Variants in PDLIM5 observed in about 807,000 individuals in gnomAD.
PDLIM5 encodes the protein PDZ and LIM domain protein 5.
In PDLIM5, 34 loss-of-function variants were observed where a neutral mutation model predicts 64.2. That is an observed-to-expected ratio of 0.53 (90% CI 0.40 to 0.71). The LOEUF (loss-of-function observed/expected upper bound fraction) is 0.71. Ranked by LOEUF, PDLIM5 falls within the 30% of genes least tolerant of loss-of-function variation. The pLI is 0.00. For missense variants in PDLIM5, 683 were observed against 733.6 expected, an observed-to-expected ratio of 0.93 and a Z score of 0.80; for synonymous variants, 253 against 269.1, an observed-to-expected ratio of 0.94 and a Z score of 0.59.
At chr4:94,490,099 G>A (rs1726728549) in intron 2 of PDLIM5, among the ~76,000 whole-genome samples, 1 of 151,084 alleles carries the variant, frequency 6.6e-6, no homozygotes, top group South Asian at 2.1e-4. Flanking sequence ...TTTTTATGTG[G>A]CTATAAATAA....
At chr4:94,598,490 G>A (rs1212053640) in intron 7 of PDLIM5, among the ~76,000 whole-genome samples, 4 of 152,074 alleles carry the variant, frequency 2.6e-5, no homozygotes, top group Non-Finnish European at 5.9e-5. Flanking sequence ...ATCTGGGCTG[G>A]TTCTTTGACC....
At chr4:94,484,707 G>A (rs188658618) in intron 2 of PDLIM5, among the ~76,000 whole-genome samples, 9 of 152,272 alleles carry the variant, frequency 5.9e-5, no homozygotes, top group Admixed American at 3.9e-4. Context: ...TGTACTAAAA[G>A]GACACTGGGT....
intron 11 of PDLIM5, among the ~76,000 whole-genome samples, chr4:94,659,960 G>T (rs1292068401): frequency 6.8e-6 from 1 of 147,712 alleles, no homozygotes; most frequent in Non-Finnish European, 1.5e-5. Flanking sequence ...GCAGTGGCCC[G>T]ATCTCGGCTC....
intron 8 of PDLIM5, among the ~76,000 whole-genome samples, chr4:94,627,183 C>T (rs1739767888): frequency 6.6e-6 from 1 of 152,218 alleles, no homozygotes; most frequent in Non-Finnish European, 1.5e-5. Flanking sequence ...AAAGCCCTGA[C>T]TGGAGCTGTC....
chr4:94,477,251 A>G (rs1226911449), intron 2 of PDLIM5, among the ~76,000 whole-genome samples: 1 of 152,200 alleles, frequency 6.6e-6, no homozygotes, highest in East Asian at 1.9e-4. Flanking sequence ...GCCTTTGACA[A>G]TAGCTGCTCT....
Position 94,575,838 on chromosome 4 carries a change from C to T in PDLIM5, c.514C>T (p.Pro172Ser). The T allele has an allele frequency of 6.2e-7, 1 of 1,614,160 alleles. No individual in the cohort carries two copies. The highest frequency in any genetic ancestry group is 1.3e-5 in the African/African-American group (1 of 75,028). Residue 172 changes from proline (P) to serine (S), a missense_variant, in exon 5 of 13, where the codon CCC (proline) becomes TCC (serine). By Grantham distance (74) the Pro-to-Ser change is moderately conservative. Transcript: ENST00000317968. Reference protein sequence around the residue: ...SPSPVAAVTPPLFAASGLHAN... With the variant: ...SPSPVAAVTPSLFAASGLHAN... The stretch of plus-strand genomic sequence containing the variant: ...TTCACCCGTGGCTGCCGTCACTCCT[C>T]CCCTGTTCGCTGCATCTGGACTGCA...
intron 7 of PDLIM5, among the ~76,000 whole-genome samples, chr4:94,601,179 A>T (rs1442394360): frequency 6.6e-6 from 1 of 152,174 alleles, no homozygotes; most frequent in East Asian, 1.9e-4. Flanking sequence ...GGAGGCTGGG[A>T]AGTCAAGATC....
At chr4:94,457,774 C>A (rs559402344) in intron 2 of PDLIM5, among the ~76,000 whole-genome samples, 1 of 152,354 alleles carries the variant, frequency 6.6e-6, no homozygotes. Flanking sequence ...TGTGTACATA[C>A]ATATGTGCCC....
chr4:94,621,620 C>T (rs72880405), intron 8 of PDLIM5, among the ~76,000 whole-genome samples: 7,111 of 152,204 alleles, frequency 0.047, 594 homozygotes, highest in African/African-American at 0.16. Flanking sequence ...TAAAGTACTG[C>T]TCTGCCTTTT....
intron 12 of PDLIM5, among the ~76,000 whole-genome samples, chr4:94,663,261 A>G (rs1486061823): frequency 6.6e-6 from 1 of 152,210 alleles, no homozygotes; most frequent in East Asian, 1.9e-4. Flanking sequence ...GATTTCCCCA[A>G]ACATTACCAT....
intron 8 of PDLIM5, among the ~76,000 whole-genome samples, chr4:94,634,640 C>A (rs898225071): frequency 6.6e-6 from 1 of 152,100 alleles, no homozygotes; most frequent in Non-Finnish European, 1.5e-5. Context: ...TAACTTCATG[C>A]CTATTCAAGT....
At chr4:94,607,265 C>CT (rs35242711) in intron 7 of PDLIM5, among the ~76,000 whole-genome samples, 143 of 145,570 alleles carry the variant, frequency 9.8e-4, no homozygotes, top group Admixed American at 1.3e-3. Flanking sequence ...TATCCACAGA[C>CT]TTTTTTTTTT....
chr4:94,647,890 A>T (rs892968157), intron 9 of PDLIM5, among the ~76,000 whole-genome samples: 1 of 152,310 alleles, frequency 6.6e-6, no homozygotes, highest in South Asian at 2.1e-4. Context: ...TGTAGAAATT[A>T]AAAAACACAT....
At chr4:94,477,977 G>T (rs1004246788) in intron 2 of PDLIM5, among the ~76,000 whole-genome samples, 2 of 152,150 alleles carry the variant, frequency 1.3e-5, no homozygotes, top group African/African-American at 4.8e-5. Context: ...TATAGTATCA[G>T]CCGGGCACAG....
At chr4:94,502,214 G>A (rs967545965) in intron 2 of PDLIM5, among the ~76,000 whole-genome samples, 2 of 152,128 alleles carry the variant, frequency 1.3e-5, no homozygotes, top group African/African-American at 2.4e-5. Flanking sequence ...GAGACATACC[G>A]AGAGTTAATC....
intron 3 of PDLIM5, among the ~76,000 whole-genome samples, chr4:94,556,826 T>A (rs550162888): frequency 1.9e-3 from 295 of 152,310 alleles, no homozygotes; most frequent in African/African-American, 6.8e-3. Context: ...GATGAGTAGA[T>A]TGCAAAAATT....
At chr4:94,601,253 C>T (rs2110350137) in intron 7 of PDLIM5, among the ~76,000 whole-genome samples, 1 of 152,264 alleles carries the variant, frequency 6.6e-6, no homozygotes, top group African/African-American at 2.4e-5. Context: ...GATGCCTTCT[C>T]ACTGTATCCT....
intron 2 of PDLIM5, among the ~76,000 whole-genome samples, chr4:94,475,048 T>C (rs1037337946): frequency 6.6e-6 from 1 of 152,204 alleles, no homozygotes; most frequent in Non-Finnish European, 1.5e-5. Flanking sequence ...AAGACAAGTT[T>C]TATCATCGTT....
At chr4:94,537,847 C>T (rs559265992) in intron 3 of PDLIM5, among the ~76,000 whole-genome samples, 4 of 152,146 alleles carry the variant, frequency 2.6e-5, no homozygotes, top group Non-Finnish European at 5.9e-5. Context: ...AATGATTTGT[C>T]TGCACACATC....
Sources: allele counts gnomAD v4.1 joint callset (sites outside exome capture counted in the v4.1 genomes callset), GRCh38; gene constraint gnomAD v4.1.1; transcripts MANE v1.5; gene names NCBI Gene and HGNC (gene_info 2026-07-23, HGNC 2026-07-21).